IL7: variants seen among roughly 807,000 people sequenced by gnomAD.
The protein encoded by IL7 is interleukin-7.
Under a neutral mutation model 21.6 loss-of-function variants are expected in IL7, and 3 were observed. The ratio of observed to expected loss-of-function variants is 0.14; its 90% confidence interval spans 0.06 to 0.36. IL7 has a LOEUF of 0.36. Ranked by LOEUF, IL7 falls within the 10% of genes least tolerant of loss-of-function variation. IL7 has a pLI of 1.00. For synonymous variants in IL7, 62 were observed against 68.1 expected (o/e 0.91, Z 0.44); for missense variants, 175 against 200.2 (o/e 0.87, Z 0.76).
chr8:78,763,547 AC>A (rs1812649324), intron 2 of IL7, among the ~76,000 whole-genome samples: 1 of 152,184 alleles, frequency 6.6e-6, no homozygotes, highest in African/African-American at 2.4e-5. Flanking sequence ...ATTATGAGCA[AC>A]TCTAAATCCA....
chr8:78,798,143 C>G lies in IL7; in HGVS notation c.76G>C (p.Asp26His). 8 of 1,611,378 alleles carry G rather than the reference C, an allele frequency of 5.0e-6. No homozygotes were observed. Among genetic ancestry groups the G allele is most frequent in the Non-Finnish European group, 6.8e-6 (8 of 1,177,884 alleles). ...CCATCTTTACCTTCAATATCACAAT[C>G]AGATGATGCTACTGGCAACAGAACA... ...ILVLLPVASSDCDIEGKDGKQ... is the reference protein window; with the variant it reads ...ILVLLPVASSHCDIEGKDGKQ... The change falls in exon 2 of 6, where the codon GAT becomes CAT. Residue 26 changes from aspartate to histidine, a missense_variant. Asp to His is a moderately conservative substitution (Grantham distance 81). Transcript: ENST00000263851.
chr8:78,677,648 C>CT (rs76888359), intron 4 of IL7, among the ~76,000 whole-genome samples: 70 of 148,060 alleles, frequency 4.7e-4, no homozygotes, highest in Admixed American at 1.2e-3. Context: ...TTAGTGGAGA[C>CT]TTTTTTTTTT....
intron 2 of IL7, among the ~76,000 whole-genome samples, chr8:78,763,819 C>T (rs1252644802): frequency 1.3e-5 from 2 of 152,152 alleles, no homozygotes; most frequent in African/African-American, 4.8e-5. Context: ...TACTTCTCAA[C>T]TCATTCTATA....
At chr8:78,774,865 T>C (rs1445225522) in intron 2 of IL7, among the ~76,000 whole-genome samples, 1 of 152,214 alleles carries the variant, frequency 6.6e-6, no homozygotes, top group Non-Finnish European at 1.5e-5. Context: ...TTGTGAGTTT[T>C]CATTTGTGAA....
At chr8:78,703,189 G>A (rs755086976) in intron 3 of IL7, among the ~76,000 whole-genome samples, 42 of 152,214 alleles carry the variant, frequency 2.8e-4, no homozygotes, top group South Asian at 1.7e-3. Context: ...GAGCCACCGC[G>A]CCTGGCCCAT....
At chr8:78,729,533 C>T (rs1381755292), downstream of IL7, among the ~76,000 whole-genome samples, 1 of 151,892 alleles carries the variant, frequency 6.6e-6, no homozygotes. Context: ...TTAATCTTTA[C>T]GTTAAGATTT....
chr8:78,779,182 T>A (rs574308694), intron 2 of IL7, among the ~76,000 whole-genome samples: 5 of 152,222 alleles, frequency 3.3e-5, no homozygotes, highest in African/African-American at 1.2e-4. Context: ...AATCACATCA[T>A]CGGCAAACAG....
chr8:78,728,252 C>A (rs1044142595), downstream of IL7, among the ~76,000 whole-genome samples: 3 of 151,844 alleles, frequency 2.0e-5, no homozygotes, highest in African/African-American at 4.8e-5. Context: ...TTCCAACAAG[C>A]TTTTTTTACT....
rs905819937 is a variant in IL7 at position 78,804,845 on chromosome 8, C to T, written c.10+68G>A. The T allele has an allele frequency of 7.5e-6, 12 of 1,599,084 alleles. No homozygotes were observed. In the African/African-American group the frequency reaches 1.2e-4, roughly 16 times the overall value. ...GGACTTGCCTAGGAGCAGGGGCCCC[C>T]AGCGCGTCTGGGATTGCCCCGGCGC... On this transcript the variant is annotated intron_variant, in intron 1 of 5. Transcript: ENST00000263851.
At chr8:78,801,412 A>G (rs1378527376) in intron 1 of IL7, among the ~76,000 whole-genome samples, 2 of 152,112 alleles carry the variant, frequency 1.3e-5, no homozygotes, top group Non-Finnish European at 2.9e-5. Context: ...ATATTTGAGG[A>G]CCAAAAAGTT....
At chr8:78,718,636 G>A (rs936210730) in intron 6 of IL7, 1 of 151,636 alleles carries the variant, frequency 6.6e-6, no homozygotes, top group Non-Finnish European at 1.5e-5. Flanking sequence ...AAAATGTATT[G>A]TTTTAATGCA....
chr8:78,801,332 T>A (rs1814051994), intron 1 of IL7, among the ~76,000 whole-genome samples: 1 of 152,210 alleles, frequency 6.6e-6, no homozygotes, highest in African/African-American at 2.4e-5. Context: ...CCATTTCTTT[T>A]GAGAGTTGAA....
At chr8:78,780,299 T>A (rs891941180) in intron 2 of IL7, among the ~76,000 whole-genome samples, 1 of 152,176 alleles carries the variant, frequency 6.6e-6, no homozygotes, top group Non-Finnish European at 1.5e-5. Context: ...CCCTTGGTTC[T>A]CTAGTTCTTT....
At chr8:78,698,856 A>G (rs1174958690) in intron 3 of IL7, among the ~76,000 whole-genome samples, 1 of 152,182 alleles carries the variant, frequency 6.6e-6, no homozygotes, top group African/African-American at 2.4e-5. Context: ...GACATTTTGC[A>G]TATATTTTTG....
At chr8:78,801,987 T>A (rs1012181488) in intron 1 of IL7, among the ~76,000 whole-genome samples, 3 of 152,192 alleles carry the variant, frequency 2.0e-5, no homozygotes, top group Non-Finnish European at 4.4e-5. Flanking sequence ...CCTGAACTTT[T>A]CATTAGGTTA....
Position 78,746,584 on chromosome 8 carries a change from G to C in IL7, c.148-6502C>G, listed in dbSNP as rs114935102. Among the ~76,000 whole-genome samples the C allele has an allele frequency of 6.6e-3, 1,004 of 152,256 alleles. 14 individuals are homozygous for C. The highest frequency in any genetic ancestry group is 0.022 in the African/African-American group (911 of 41,546). ...TAATTCTAATCCACACTCAAGAGGA[G>C]GGAATTTAAGCTGTACCTCTTGTAA... is the stretch of plus-strand genomic sequence containing the variant. On this transcript the variant is annotated intron_variant, in intron 2 of 5. Coordinates refer to ENST00000263851, the MANE Select transcript of IL7 (RefSeq NM_000880.4).
At chr8:78,698,134 C>T (rs1810490851) in intron 3 of IL7, among the ~76,000 whole-genome samples, 1 of 152,114 alleles carries the variant, frequency 6.6e-6, no homozygotes, top group Non-Finnish European at 1.5e-5. Context: ...CTGAACTGGG[C>T]AATTGTTCGT....
intron 2 of IL7, among the ~76,000 whole-genome samples, chr8:78,775,423 C>T (rs764353856): frequency 3.4e-4 from 52 of 152,140 alleles, no homozygotes; most frequent in African/African-American, 5.8e-4. Context: ...CCTAAGTAGT[C>T]GATACTTCTA....
intron 3 of IL7, among the ~76,000 whole-genome samples, chr8:78,697,060 G>A (rs1487466510): frequency 1.3e-5 from 2 of 152,106 alleles, no homozygotes; most frequent in Non-Finnish European, 2.9e-5. Context: ...AACCTTTGAG[G>A]TGATATATTT....
Sources: allele counts gnomAD v4.1 joint callset (sites outside exome capture counted in the v4.1 genomes callset), GRCh38; gene constraint gnomAD v4.1.1; transcripts MANE v1.5; gene names NCBI Gene and HGNC (gene_info 2026-07-23, HGNC 2026-07-21).